ANO3: variants seen among roughly 807,000 people sequenced by gnomAD.
The protein encoded by ANO3 is anoctamin 3.
A neutral mutation model predicts 144.8 loss-of-function variants in ANO3; 99 were observed. The ratio of observed to expected loss-of-function variants is 0.68; its 90% CI spans 0.58 to 0.81. ANO3 has a LOEUF of 0.81. ANO3 is among the 30% of genes least tolerant of loss of function. ANO3 has a pLI of 0.00. For synonymous variants in ANO3, 414 were observed against 392.6 expected (o/e 1.05, Z -0.64); for missense variants, 905 against 1,202.2 (o/e 0.75, Z 3.66).
intron 1 of ANO3, among the ~76,000 whole-genome samples, chr11:26,298,344 T>C (rs1854140329): frequency 6.6e-6 from 1 of 152,052 alleles, no homozygotes; most frequent in Non-Finnish European, 1.5e-5. Flanking sequence ...AAAAAAGAAA[T>C]TGCTGAACCA....
At chr11:26,310,162 G>A (rs896064278) in intron 1 of ANO3, among the ~76,000 whole-genome samples, 6 of 152,070 alleles carry the variant, frequency 3.9e-5, no homozygotes, top group Admixed American at 3.3e-4. Flanking sequence ...TGCAAAGATA[G>A]CTACATATAT....
intron 25 of ANO3, 52 bp downstream of exon 25, chr11:26,656,257 C>A (rs776570359): frequency 6.5e-7 from 1 of 1,528,526 alleles, no homozygotes; most frequent in Admixed American, 1.7e-5. Flanking sequence ...CAAGTACTCC[C>A]CCCTGCATGT....
chr11:26,260,166 C>G (rs1853153875), intron 1 of ANO3, among the ~76,000 whole-genome samples: 1 of 151,504 alleles, frequency 6.6e-6, no homozygotes, highest in African/African-American at 2.4e-5. Context: ...TTTTTGGGCT[C>G]TTTATCTCTT....
intron 20 of ANO3, 47 bp from the exon 21 acceptor site, chr11:26,639,097 A>T: frequency 7.7e-7 from 1 of 1,303,766 alleles, no homozygotes; most frequent in Non-Finnish European, 1.1e-6. Flanking sequence ...GTCTGAGCCT[A>T]CTGGGAAGAA....
At chr11:26,469,386 C>A (rs1351303552) in intron 4 of ANO3, among the ~76,000 whole-genome samples, 1 of 151,784 alleles carries the variant, frequency 6.6e-6, no homozygotes, top group Non-Finnish European at 1.5e-5. Flanking sequence ...TAGCATTTCA[C>A]ATCAGGAAAT....
intron 17 of ANO3, among the ~76,000 whole-genome samples, chr11:26,605,649 G>A (rs1359404655): frequency 6.6e-6 from 1 of 152,072 alleles, no homozygotes; most frequent in Non-Finnish European, 1.5e-5. Context: ...CTTCTTCCTG[G>A]TTTAGTCTTG....
At chr11:26,356,039 C>G (rs1855773787) in intron 1 of ANO3, among the ~76,000 whole-genome samples, 1 of 152,112 alleles carries the variant, frequency 6.6e-6, no homozygotes, top group African/African-American at 2.4e-5. Flanking sequence ...TTTCCTTTCT[C>G]ATGCTACTAT....
At chr11:26,439,553 C>T (rs959717349) in intron 1 of ANO3, among the ~76,000 whole-genome samples, 1 of 152,166 alleles carries the variant, frequency 6.6e-6, no homozygotes, top group African/African-American at 2.4e-5. Context: ...GTGATGTTTG[C>T]ACGACTCTGT....
chr11:26,422,769 G>A (rs1034923115), intron 1 of ANO3, among the ~76,000 whole-genome samples: 3 of 151,844 alleles, frequency 2.0e-5, no homozygotes, highest in African/African-American at 7.2e-5. Flanking sequence ...ATGCTGTGGG[G>A]GTAATTTTAG....
intron 1 of ANO3, among the ~76,000 whole-genome samples, chr11:26,337,448 C>A (rs1855223424): frequency 6.6e-6 from 1 of 152,044 alleles, no homozygotes. Context: ...ATAGCACATT[C>A]CTTGATGATT....
chr11:26,373,416 C>T (rs1199976681), intron 1 of ANO3, among the ~76,000 whole-genome samples: 1 of 152,154 alleles, frequency 6.6e-6, no homozygotes, highest in South Asian at 2.1e-4. Flanking sequence ...AAGAATGTGC[C>T]TGCTTCTGTT....
chr11:26,632,505 G>C (rs1402153733), intron 18 of ANO3, among the ~76,000 whole-genome samples: 1 of 147,078 alleles, frequency 6.8e-6, no homozygotes, highest in Non-Finnish European at 1.5e-5. Flanking sequence ...AACAGAGTGA[G>C]ACTCCATCTC....
At chr11:26,322,224 T>A (rs944640933) in intron 1 of ANO3, among the ~76,000 whole-genome samples, 7 of 152,110 alleles carry the variant, frequency 4.6e-5, no homozygotes, top group African/African-American at 1.7e-4. Flanking sequence ...AATATACTCA[T>A]TTTTAAGAAC....
intron 3 of ANO3, among the ~76,000 whole-genome samples, chr11:26,453,759 CA>C (rs1376617696): frequency 6.6e-6 from 1 of 152,116 alleles, no homozygotes; most frequent in African/African-American, 2.4e-5. Context: ...CTCTCCACCC[CA>C]AATCAACAAA....
At chr11:26,422,692 G>A (rs1857788648) in intron 1 of ANO3, among the ~76,000 whole-genome samples, 1 of 151,862 alleles carries the variant, frequency 6.6e-6, no homozygotes, top group Non-Finnish European at 1.5e-5. Flanking sequence ...TACTAGTCAA[G>A]AATACCAGGT....
intron 1 of ANO3, chr11:26,288,026 C>T (rs1310249249): frequency 6.6e-5 from 10 of 152,296 alleles, no homozygotes; most frequent in Non-Finnish European, 1.3e-4. Flanking sequence ...TCCAGATATA[C>T]TATGCGTTGT....
intron 1 of ANO3, among the ~76,000 whole-genome samples, chr11:26,262,719 A>AACACACACACACAC (rs144643690): frequency 1.4e-4 from 21 of 149,204 alleles, no homozygotes; most frequent in Admixed American, 7.4e-4. Context: ...CCTTATAGTA[A>AACACACACACACAC]ACACACACAC....
chr11:26,262,043 A>G (rs1853202533), intron 1 of ANO3, among the ~76,000 whole-genome samples: 1 of 152,230 alleles, frequency 6.6e-6, no homozygotes, highest in Non-Finnish European at 1.5e-5. Context: ...AGCAGGTGCT[A>G]CTAATCTCTG....
intron 1 of ANO3, among the ~76,000 whole-genome samples, chr11:26,289,345 T>C (rs755804752): frequency 4.6e-5 from 7 of 151,632 alleles, no homozygotes; most frequent in Non-Finnish European, 1.0e-4. Flanking sequence ...ATAATACTCA[T>C]GGTGAACTTT....
Sources: allele counts gnomAD v4.1 joint callset (sites outside exome capture counted in the v4.1 genomes callset), GRCh38; gene constraint gnomAD v4.1.1; transcripts MANE v1.5; gene names NCBI Gene and HGNC (gene_info 2026-07-23, HGNC 2026-07-21).